ATG10: variants seen among roughly 807,000 people sequenced by gnomAD.
The protein encoded by ATG10 is autophagy related 10.
ATG10 carries 30 observed loss-of-function variants against 32.1 expected under a neutral mutation model. The observed-to-expected ratio is 0.94, with a 90% CI of 0.70 to 1.27. The LOEUF is 1.27. Ranked by LOEUF, ATG10 falls within the 50% of genes most tolerant of loss-of-function variation. ATG10 has a pLI of 0.00. For missense variants in ATG10, 233 were observed against 262.3 expected (o/e 0.89, Z 0.77); for synonymous variants, 87 against 91.5 (o/e 0.95, Z 0.28).
Position 82,074,636 on chromosome 5 carries a change from G to A in ATG10, c.216+16034G>A, listed in dbSNP as rs563340288. 2.2e-3 allele frequency among the ~76,000 whole-genome samples: 340 copies of A among 152,260 alleles called. 1 individual carries two copies. Among genetic ancestry groups the A allele is most frequent in the African/African-American group, 7.9e-3 (328 of 41,554 alleles). ...CCAAGGCAGGTATGAGGCAATGACA[G>A]CTACAAAGCATCTTCTCCATATCTC... On this transcript the variant is annotated intron_variant, in intron 3 of 7. Transcript: ENST00000282185.
chr5:82,146,411 A>G (rs1767361158), intron 3 of ATG10, among the ~76,000 whole-genome samples: 2 of 151,970 alleles, frequency 1.3e-5, no homozygotes, highest in Admixed American at 1.3e-4. Flanking sequence ...TGATTTATTC[A>G]TATTTTTAGA....
chr5:82,109,993 C>T (rs1765567113), intron 3 of ATG10, among the ~76,000 whole-genome samples: 1 of 142,254 alleles, frequency 7.0e-6, no homozygotes, highest in African/African-American at 2.5e-5. Flanking sequence ...TGTTCCCCTT[C>T]CTGTGTCCAA....
Position 82,041,494 on chromosome 5 carries a change from C to T in ATG10, c.109-17001C>T, listed in dbSNP as rs542892441. Among the ~76,000 whole-genome samples the T allele has an allele frequency of 2.0e-5, 3 of 152,142 alleles. No homozygotes were observed. In the South Asian group the frequency reaches 6.2e-4, roughly 32 times the overall value. On this transcript the variant is annotated intron_variant, in intron 2 of 7. Coordinates refer to ENST00000282185, the MANE Select transcript of ATG10 (RefSeq NM_031482.5). ...ATTGGGAACAAACTTTGGTATATTT[C>T]AAGTATAAAAGACCTTAGAGTACTT...
intron 3 of ATG10, among the ~76,000 whole-genome samples, chr5:82,122,962 T>A (rs1413490809): frequency 6.6e-6 from 1 of 152,124 alleles, no homozygotes; most frequent in Non-Finnish European, 1.5e-5. Context: ...ACTCCTTAAA[T>A]AGCTAAAAAC....
intron 5 of ATG10, among the ~76,000 whole-genome samples, chr5:82,220,094 C>A (rs1186558985): frequency 1.3e-5 from 2 of 152,172 alleles, no homozygotes; most frequent in African/African-American, 2.4e-5. Flanking sequence ...GAGTAATCCA[C>A]CAACTGAATC....
intron 3 of ATG10, among the ~76,000 whole-genome samples, chr5:82,126,026 A>T (rs1766262481): frequency 1.4e-5 from 2 of 139,742 alleles, no homozygotes; most frequent in African/African-American, 5.3e-5. Flanking sequence ...GGTATTTAAT[A>T]CTCTTTGTAG....
chr5:82,245,506 G>A (rs1369262546), intron 5 of ATG10, among the ~76,000 whole-genome samples: 1 of 152,088 alleles, frequency 6.6e-6, no homozygotes, highest in Non-Finnish European at 1.5e-5. Flanking sequence ...TGCTAACTTT[G>A]AATTCTGTGA....
intron 5 of ATG10, 49 bp from the exon 6 acceptor site, chr5:82,252,513 C>A: frequency 8.7e-7 from 1 of 1,144,058 alleles, no homozygotes; most frequent in Non-Finnish European, 1.3e-6. Context: ...TTATTTTAGC[C>A]TTTTCAAAGT....
intron 3 of ATG10, among the ~76,000 whole-genome samples, chr5:82,091,857 A>C (rs1764898029): frequency 6.6e-6 from 1 of 152,194 alleles, no homozygotes; most frequent in Non-Finnish European, 1.5e-5. Context: ...GAGCTGTAGA[A>C]ACCATATTAC....
At chr5:82,139,839 T>C (rs1561321024) in intron 3 of ATG10, among the ~76,000 whole-genome samples, 1 of 116,028 alleles carries the variant, frequency 8.6e-6, no homozygotes, top group Non-Finnish European at 1.8e-5. Context: ...GGGAGGGAGA[T>C]GGGGGGGTCA....
At chr5:82,244,783 A>T (rs149367752) in intron 5 of ATG10, among the ~76,000 whole-genome samples, 7 of 152,204 alleles carry the variant, frequency 4.6e-5, no homozygotes. Flanking sequence ...TCTAAAACCA[A>T]TTCACAGTAT....
intron 2 of ATG10, among the ~76,000 whole-genome samples, chr5:82,040,427 G>A (rs1439308777): frequency 2.0e-5 from 3 of 152,150 alleles, no homozygotes; most frequent in African/African-American, 7.2e-5. Context: ...ATTACTGGTG[G>A]CATTGAAAGG....
chr5:82,039,578 T>A (rs1449213736), intron 2 of ATG10, among the ~76,000 whole-genome samples: 1 of 152,028 alleles, frequency 6.6e-6, no homozygotes, highest in African/African-American at 2.4e-5. Flanking sequence ...GTAATAAAAA[T>A]TAAAGGGGAA....
chr5:81,976,825 T>G (rs1760888167), intron 1 of ATG10, among the ~76,000 whole-genome samples: 1 of 152,212 alleles, frequency 6.6e-6, no homozygotes, highest in African/African-American at 2.4e-5. Context: ...CAAAAAAAAT[T>G]TGCAACCTCC....
chr5:82,017,897 C>T (rs745761643), intron 2 of ATG10, among the ~76,000 whole-genome samples: 7 of 152,022 alleles, frequency 4.6e-5, no homozygotes, highest in Admixed American at 6.6e-5. Context: ...GTCTCCTTTG[C>T]TGTTTCTTTA....
chr5:81,976,504 T>C (rs113547064), intron 1 of ATG10, among the ~76,000 whole-genome samples: 71 of 152,280 alleles, frequency 4.7e-4, no homozygotes, highest in African/African-American at 1.5e-3. Context: ...GTGTAAATGG[T>C]TGTATTCTAG....
At chr5:82,171,529 T>C (rs986510990) in intron 4 of ATG10, among the ~76,000 whole-genome samples, 1 of 151,890 alleles carries the variant, frequency 6.6e-6, no homozygotes, top group Non-Finnish European at 1.5e-5. Flanking sequence ...CAACTGAAGG[T>C]GGTAGAATGA....
At chr5:82,036,266 C>G (rs1364801708) in intron 2 of ATG10, among the ~76,000 whole-genome samples, 1 of 152,106 alleles carries the variant, frequency 6.6e-6, no homozygotes, top group East Asian at 1.9e-4. Flanking sequence ...ATTTCCTGAT[C>G]TGTTTTCTTC....
chr5:82,034,316 TC>T lies in ATG10; in HGVS notation c.109-24178del, dbSNP rs1211241315. Among the ~76,000 whole-genome samples the T allele has an allele frequency of 3.9e-5, 6 of 152,252 alleles. No homozygotes were observed. In the South Asian group the frequency reaches 1.0e-3, roughly 26 times the overall value. On this transcript the variant is annotated intron_variant, in intron 2 of 7. Transcript: ENST00000282185. ...CAGTGTTACCCTGGACCACTCTTTT[TC>T]TCTTACATTCCATGTTTGATCCATT...
Sources: allele counts gnomAD v4.1 joint callset (sites outside exome capture counted in the v4.1 genomes callset), GRCh38; gene constraint gnomAD v4.1.1; transcripts MANE v1.5; gene names NCBI Gene and HGNC (gene_info 2026-07-23, HGNC 2026-07-21).